Variants in EFCAB8 observed in about 807,000 individuals in gnomAD.
The protein encoded by EFCAB8 is EF-hand calcium binding domain 8, also known as EF-hand calcium-binding domain-containing protein 8.
In EFCAB8, 100 loss-of-function variants were observed where a neutral mutation model predicts 116.3. That is an observed-to-expected ratio of 0.86 (90% CI 0.73 to 1.02). EFCAB8 has a LOEUF of 1.02. Among genes scored for constraint, EFCAB8 ranks in the 50% least tolerant of loss-of-function variants. The probability of loss-of-function intolerance (pLI) is 0.00; values close to 1 mark genes in which losing one functional copy is unlikely to be tolerated. For synonymous variants in EFCAB8, 558 were observed against 567.9 expected, an observed-to-expected ratio of 0.98 and a Z score of 0.25; for missense variants, 1,320 against 1,416.9, an observed-to-expected ratio of 0.93 and a Z score of 1.10.
At chr20:32,944,630 A>C (rs1988525933) in intron 23 of EFCAB8, among the ~76,000 whole-genome samples, 1 of 152,104 alleles carries the variant, frequency 6.6e-6, no homozygotes, top group African/African-American at 2.4e-5. Flanking sequence ...GGGTCCCTTT[A>C]GCATTTCTTT....
intron 17 of EFCAB8, among the ~76,000 whole-genome samples, chr20:32,915,586 C>T (rs979456407): frequency 6.6e-6 from 1 of 152,100 alleles, no homozygotes; most frequent in African/African-American, 2.4e-5. Context: ...TCTTTCTAGG[C>T]CCTCACTGGA....
At chr20:32,926,011 T>G (rs1600434778) in intron 20 of EFCAB8, among the ~76,000 whole-genome samples, 1 of 152,240 alleles carries the variant, frequency 6.6e-6, no homozygotes, top group Non-Finnish European at 1.5e-5. Flanking sequence ...ATTCTGACTG[T>G]GCTTTTCTCA....
chr20:32,930,284 T>TGGTTTCACTG (rs1987844076), intron 20 of EFCAB8, 114 bp from the exon 21 acceptor site: 4 of 840,726 alleles, frequency 4.8e-6, no homozygotes, highest in Non-Finnish European at 5.5e-6. Context: ...CCACTTTCAC[T>TGGTTTCACTG]GGGCATCTAG....
At chr20:32,908,435 G>T in intron 14 of EFCAB8, 23 bp downstream of exon 14, 1 of 1,249,934 alleles carries the variant, frequency 8.0e-7, no homozygotes, top group Non-Finnish European at 1.0e-6. Flanking sequence ...CCAGGAGGGA[G>T]TGGGGTCAAG....
intron 20 of EFCAB8, among the ~76,000 whole-genome samples, chr20:32,925,958 C>G (rs900309042): frequency 2.0e-5 from 3 of 152,218 alleles, no homozygotes; most frequent in African/African-American, 7.2e-5. Flanking sequence ...TGTTGGTTAC[C>G]TGTCCCTCGC....
At chr20:32,923,714 C>T (rs909227139) in intron 20 of EFCAB8, among the ~76,000 whole-genome samples, 4 of 151,898 alleles carry the variant, frequency 2.6e-5, no homozygotes, top group Admixed American at 1.3e-4. Context: ...TGTATTATTC[C>T]GGGACTTGCT....
chr20:32,934,617 A>T (rs142032175), intron 22 of EFCAB8, among the ~76,000 whole-genome samples: 1 of 152,148 alleles, frequency 6.6e-6, no homozygotes, highest in African/African-American at 2.4e-5. Context: ...CATAATCCCC[A>T]GCTGTCGTGG....
At chr20:32,922,405 C>T (rs1987497820) in intron 20 of EFCAB8, among the ~76,000 whole-genome samples, 2 of 152,164 alleles carry the variant, frequency 1.3e-5, no homozygotes, top group Non-Finnish European at 2.9e-5. Context: ...GGCTAGTGAC[C>T]TAGTGCTGTC....
intron 23 of EFCAB8, among the ~76,000 whole-genome samples, chr20:32,945,274 G>C (rs1297848149): frequency 6.6e-6 from 1 of 152,024 alleles, no homozygotes; most frequent in Non-Finnish European, 1.5e-5. Flanking sequence ...TCTTCCCACA[G>C]CCTCCTGAGT....
rs139693801 is a variant in EFCAB8 at position 32,877,635 on chromosome 20, G to A, written c.328-1069G>A. Among the ~76,000 whole-genome samples the A allele has an allele frequency of 5.9e-5, 9 of 152,362 alleles. No individual in the cohort carries two copies. In the East Asian group the frequency reaches 1.7e-3, roughly 29 times the overall value. On this transcript the variant is annotated intron_variant, in intron 4 of 26. Coordinates refer to ENST00000400522, the MANE Select transcript of EFCAB8 (RefSeq NM_001143967.2). Reference sequence around the variant, plus strand: ...TAGCATTCTCAGGGCTTTACCCAGTGGTCCTTGTTTACAACCCCGTTTCTT... The same window carrying A: ...TAGCATTCTCAGGGCTTTACCCAGTAGTCCTTGTTTACAACCCCGTTTCTT...
At chr20:32,886,765 G>T (rs1600384635) in intron 6 of EFCAB8, among the ~76,000 whole-genome samples, 2 of 152,196 alleles carry the variant, frequency 1.3e-5, no homozygotes, top group South Asian at 2.1e-4. Flanking sequence ...AAGGCTCTCT[G>T]GGAAGGCGCA....
At chr20:32,887,059 A>C (rs373412972) in intron 6 of EFCAB8, among the ~76,000 whole-genome samples, 5 of 152,154 alleles carry the variant, frequency 3.3e-5, no homozygotes, top group African/African-American at 9.6e-5. Flanking sequence ...CATTGTCTTC[A>C]CCGCCAGAAC....
chr20:32,910,655 G>C, intron 15 of EFCAB8, among the ~76,000 whole-genome samples: 1 of 149,344 alleles, frequency 6.7e-6, no homozygotes, highest in East Asian at 2.0e-4. Context: ...CCTTAAAAAA[G>C]TTTGTTTAAA....
intron 1 of EFCAB8, among the ~76,000 whole-genome samples, chr20:32,861,383 G>T (rs1984106838): frequency 6.6e-6 from 1 of 152,116 alleles, no homozygotes; most frequent in African/African-American, 2.4e-5. Context: ...CCGCCTCCTG[G>T]ATTCAAGCAG....
intron 13 of EFCAB8, 169 bp downstream of exon 13, chr20:32,907,163 C>T (rs1205303492): frequency 2.0e-6 from 2 of 979,808 alleles, no homozygotes; most frequent in East Asian, 2.3e-4. Flanking sequence ...AGCATGTCCC[C>T]AGAGCTGGGT....
At chr20:32,945,655 T>G (rs1463848819) in intron 23 of EFCAB8, among the ~76,000 whole-genome samples, 7 of 152,202 alleles carry the variant, frequency 4.6e-5, no homozygotes, top group African/African-American at 1.7e-4. Context: ...CCTATTTTTT[T>G]TGTGTGCCTT....
At chr20:32,864,464 C>G (rs1050445581) in intron 2 of EFCAB8, among the ~76,000 whole-genome samples, 1 of 152,116 alleles carries the variant, frequency 6.6e-6, no homozygotes, top group African/African-American at 2.4e-5. Context: ...TGCCTGTGGT[C>G]CCCGCTACTC....
chr20:32,943,478 C>T (rs749542554), intron 22 of EFCAB8, among the ~76,000 whole-genome samples, 158 bp from the exon 23 acceptor site: 4 of 152,178 alleles, frequency 2.6e-5, no homozygotes, highest in East Asian at 1.9e-4. Context: ...TATGTAAGGT[C>T]GCAAGCAAGT....
chr20:32,890,058 G>A (rs1351851221), intron 7 of EFCAB8, among the ~76,000 whole-genome samples: 1 of 150,926 alleles, frequency 6.6e-6, no homozygotes, highest in Non-Finnish European at 1.5e-5. Flanking sequence ...TGCCCCCAAA[G>A]GCAGGATGTG....
Sources: allele counts gnomAD v4.1 joint callset (sites outside exome capture counted in the v4.1 genomes callset), GRCh38; gene constraint gnomAD v4.1.1; transcripts MANE v1.5; gene names NCBI Gene and HGNC (gene_info 2026-07-23, HGNC 2026-07-21).